Variants in MAML3 observed in about 807,000 individuals in gnomAD.
MAML3 encodes mastermind-like protein 3.
MAML3 carries 27 observed loss-of-function variants against 101.9 expected under a neutral mutation model. The ratio of observed to expected loss-of-function variants is 0.27; its 90% CI spans 0.20 to 0.37. MAML3 has a LOEUF of 0.37. Among genes scored for constraint, MAML3 ranks in the 10% least tolerant of loss-of-function variants. The pLI is 1.00. For synonymous variants in MAML3, 501 were observed against 555.9 expected, an observed-to-expected ratio of 0.90 and a Z score of 1.39; for missense variants, 1,316 against 1,444.9, an observed-to-expected ratio of 0.91 and a Z score of 1.45.
At position 139,859,206 on chromosome 4, in the gene MAML3, C is replaced by T. The variant is rs75799459; in HGVS notation, c.2079+30151G>A. 2.0e-3 allele frequency among the ~76,000 whole-genome samples: 310 copies of T among 151,278 alleles called. 1 individual carries two copies. The highest frequency in any genetic ancestry group is 6.9e-3 in the African/African-American group (285 of 41,122). On this transcript the variant is annotated intron_variant, in intron 2 of 4. Transcript: ENST00000509479. ...CTCTGATTTTACCCTATGACACCAA[C>T]ATTAGCAGAGGTTCTACTACATTTT...
intron 2 of MAML3, among the ~76,000 whole-genome samples, chr4:139,862,514 T>C (rs1263264815): frequency 3.3e-5 from 5 of 152,208 alleles, no homozygotes; most frequent in Non-Finnish European, 7.3e-5. Flanking sequence ...CTCAAATATC[T>C]CTTCTGACCA....
chr4:139,937,554 T>G (rs1733530728), intron 1 of MAML3, among the ~76,000 whole-genome samples: 1 of 152,198 alleles, frequency 6.6e-6, no homozygotes. Flanking sequence ...ACTTGGCTAA[T>G]TTTTGTATTT....
chr4:139,795,014 G>A (rs749240479), intron 2 of MAML3, among the ~76,000 whole-genome samples: 19 of 152,198 alleles, frequency 1.2e-4, no homozygotes, highest in Non-Finnish European at 2.4e-4. Context: ...TGCTTAGACA[G>A]TGACTGAGAC....
chr4:140,057,335 T>C (rs1353264753), intron 1 of MAML3, among the ~76,000 whole-genome samples: 1 of 152,210 alleles, frequency 6.6e-6, no homozygotes, highest in Non-Finnish European at 1.5e-5. Context: ...GATTTTTTTT[T>C]CTGAAATTAC....
At chr4:139,848,896 T>C (rs17050939) in intron 2 of MAML3, among the ~76,000 whole-genome samples, 6,478 of 152,262 alleles carry the variant, frequency 0.043, 452 homozygotes, top group African/African-American at 0.15. Flanking sequence ...TCTTTGGCCA[T>C]GATTTTGGGC....
intron 1 of MAML3, among the ~76,000 whole-genome samples, chr4:139,992,808 C>T (rs1197052519): frequency 2.6e-5 from 4 of 152,142 alleles, no homozygotes; most frequent in South Asian, 2.1e-4. Flanking sequence ...CTCCCCACCT[C>T]GGCCTCCCAA....
chr4:139,998,944 T>C (rs987450070), intron 1 of MAML3, among the ~76,000 whole-genome samples: 1 of 152,226 alleles, frequency 6.6e-6, no homozygotes, highest in Non-Finnish European at 1.5e-5. Flanking sequence ...ATCAAACACC[T>C]TGAGCCAGGA....
At chr4:140,014,741 C>T (rs1726616158) in intron 1 of MAML3, among the ~76,000 whole-genome samples, 1 of 152,292 alleles carries the variant, frequency 6.6e-6, no homozygotes, top group Non-Finnish European at 1.5e-5. Context: ...TGTGTTCACA[C>T]CTTGCCTTGA....
chr4:140,043,027 A>T (rs2063402), intron 1 of MAML3, among the ~76,000 whole-genome samples: 144,805 of 151,876 alleles, frequency 0.95, 69,376 homozygotes, highest in East Asian at 1. Context: ...GATTTTTTTT[A>T]AAAAAACAAA....
chr4:139,847,863 C>T (rs1731477390), intron 2 of MAML3, among the ~76,000 whole-genome samples: 1 of 152,182 alleles, frequency 6.6e-6, no homozygotes, highest in South Asian at 2.1e-4. Context: ...CAGAAATCTA[C>T]ATGGGACTCA....
intron 1 of MAML3, among the ~76,000 whole-genome samples, chr4:140,120,525 T>C (rs955292241): frequency 1.3e-5 from 2 of 152,230 alleles, no homozygotes; most frequent in Admixed American, 6.5e-5. Flanking sequence ...ATTTTAAGGG[T>C]ATCCAATCGT....
chr4:139,881,087 A>G (rs1732210806), intron 2 of MAML3, among the ~76,000 whole-genome samples: 1 of 152,190 alleles, frequency 6.6e-6, no homozygotes. Context: ...CAACGCTGTG[A>G]AGACTTAGGA....
At chr4:139,783,587 C>T (rs998361240) in intron 2 of MAML3, among the ~76,000 whole-genome samples, 1 of 152,160 alleles carries the variant, frequency 6.6e-6, no homozygotes, top group Non-Finnish European at 1.5e-5. Context: ...TGCTGAAAGC[C>T]CTGTGTCTTT....
chr4:139,991,832 C>A (rs1734678060), intron 1 of MAML3, among the ~76,000 whole-genome samples: 1 of 151,914 alleles, frequency 6.6e-6, no homozygotes, highest in Non-Finnish European at 1.5e-5. Flanking sequence ...GGTGACAGAG[C>A]AAGATCCTGT....
chr4:139,927,689 T>A (rs1354559143), intron 1 of MAML3, among the ~76,000 whole-genome samples: 1 of 152,210 alleles, frequency 6.6e-6, no homozygotes, highest in Non-Finnish European at 1.5e-5. Context: ...TGGGTGAAAA[T>A]CCAATGCTAT....
At chr4:140,151,695 G>GC (rs999797311) in intron 1 of MAML3, among the ~76,000 whole-genome samples, 2 of 149,704 alleles carry the variant, frequency 1.3e-5, no homozygotes, top group Admixed American at 6.8e-5. Flanking sequence ...CGGTGCGGGG[G>GC]GGGGGGGCAC....
At chr4:140,047,242 G>T (rs997108575) in intron 1 of MAML3, among the ~76,000 whole-genome samples, 1 of 152,188 alleles carries the variant, frequency 6.6e-6, no homozygotes, top group African/African-American at 2.4e-5. Flanking sequence ...TGCCTAGACA[G>T]ACTGTTGGGC....
intron 1 of MAML3, among the ~76,000 whole-genome samples, chr4:140,071,653 A>T (rs1727655145): frequency 7.8e-6 from 1 of 127,724 alleles, no homozygotes; most frequent in Non-Finnish European, 1.6e-5. Context: ...CTCACAGTTT[A>T]AAAAAAAAAA....
intron 1 of MAML3, among the ~76,000 whole-genome samples, chr4:140,049,156 G>C (rs1019030546): frequency 6.6e-6 from 1 of 150,414 alleles, no homozygotes; most frequent in Non-Finnish European, 1.5e-5. Context: ...TCTTCACAAA[G>C]AAAAAAAAAT....
Sources: allele counts gnomAD v4.1 joint callset (sites outside exome capture counted in the v4.1 genomes callset), GRCh38; gene constraint gnomAD v4.1.1; transcripts MANE v1.5; gene names NCBI Gene and HGNC (gene_info 2026-07-23, HGNC 2026-07-21).